Variants in TANC2 observed in about 807,000 individuals in gnomAD.
TANC2 encodes protein TANC2.
TANC2 carries 26 observed loss-of-function variants against 210.5 expected under a neutral mutation model. The ratio of observed to expected loss-of-function variants is 0.12; its 90% CI spans 0.09 to 0.17. The LOEUF is 0.17. Among genes scored for constraint, TANC2 ranks in the 10% least tolerant of loss-of-function variants. The probability of loss-of-function intolerance (pLI) is 1.00; values close to 1 mark genes in which losing one functional copy is unlikely to be tolerated. For synonymous variants in TANC2, 931 were observed against 967.1 expected, an observed-to-expected ratio of 0.96 and a Z score of 0.69; for missense variants, 2,129 against 2,608.9, an observed-to-expected ratio of 0.82 and a Z score of 4.01.
At chr17:63,329,830 T>C (rs2045776335) in intron 11 of TANC2, among the ~76,000 whole-genome samples, 1 of 152,152 alleles carries the variant, frequency 6.6e-6, no homozygotes. Flanking sequence ...AATAACATCA[T>C]AATGGCCTCC....
chr17:63,326,290 A>G (rs2045641474), intron 11 of TANC2, among the ~76,000 whole-genome samples: 1 of 152,218 alleles, frequency 6.6e-6, no homozygotes, highest in Non-Finnish European at 1.5e-5. Context: ...ATAAAGGTGG[A>G]CTTTTTAATT....
chr17:63,103,289 C>T (rs563909367), intron 4 of TANC2, among the ~76,000 whole-genome samples: 52 of 152,258 alleles, frequency 3.4e-4, no homozygotes, highest in African/African-American at 1.2e-3. Flanking sequence ...TATATAAAGA[C>T]TCATTTGCAG....
chr17:63,090,101 A>T (rs1203955820), intron 3 of TANC2, among the ~76,000 whole-genome samples: 2 of 152,026 alleles, frequency 1.3e-5, no homozygotes. Context: ...CCTCAACCTA[A>T]TCCCTAGCAA....
intron 2 of TANC2, among the ~76,000 whole-genome samples, chr17:63,040,049 T>C (rs953355570): frequency 2.6e-5 from 4 of 152,182 alleles, no homozygotes; most frequent in Admixed American, 1.3e-4. Flanking sequence ...ATATTGTTCA[T>C]TTTATAATAG....
chr17:63,336,746 G>GA (rs1393368895), intron 11 of TANC2, among the ~76,000 whole-genome samples: 1 of 152,036 alleles, frequency 6.6e-6, no homozygotes, highest in East Asian at 1.9e-4. Context: ...AAGTTGAAAT[G>GA]AAAAAAATAA....
chr17:63,336,763 A>T (rs530405171), intron 11 of TANC2, among the ~76,000 whole-genome samples: 72 of 152,366 alleles, frequency 4.7e-4, no homozygotes, highest in Non-Finnish European at 8.4e-4. Context: ...ATAATGTAAG[A>T]AAGACATAGC....
intron 13 of TANC2, among the ~76,000 whole-genome samples, chr17:63,352,304 G>T (rs1385530124): frequency 6.6e-6 from 1 of 151,960 alleles, no homozygotes; most frequent in Admixed American, 6.6e-5. Flanking sequence ...TTCCCCCTCT[G>T]CCAGGCACTT....
chr17:63,307,899 G>A (rs1379853956), intron 9 of TANC2, among the ~76,000 whole-genome samples: 1 of 152,100 alleles, frequency 6.6e-6, no homozygotes, highest in East Asian at 1.9e-4. Context: ...CCGAATAGCT[G>A]GGACTACAGG....
chr17:63,291,744 T>G (rs1461849652), intron 9 of TANC2, among the ~76,000 whole-genome samples: 2 of 152,200 alleles, frequency 1.3e-5, no homozygotes, highest in Non-Finnish European at 2.9e-5. Context: ...CGTTTAACCT[T>G]ATCAGGTAGA....
intron 14 of TANC2, among the ~76,000 whole-genome samples, chr17:63,377,820 G>A (rs549377336): frequency 3.0e-4 from 45 of 152,270 alleles, no homozygotes; most frequent in African/African-American, 1.0e-3. Context: ...AAGAGATTTC[G>A]TTGACTCACA....
intron 1 of TANC2, among the ~76,000 whole-genome samples, chr17:62,987,896 G>A (rs537953684): frequency 6.6e-6 from 1 of 151,978 alleles, no homozygotes; most frequent in South Asian, 2.1e-4. Context: ...AGTTTTTTTT[G>A]TTTGTTTTGT....
chr17:63,052,263 T>G (rs1283183899), intron 2 of TANC2, among the ~76,000 whole-genome samples: 2 of 152,214 alleles, frequency 1.3e-5, no homozygotes, highest in Non-Finnish European at 2.9e-5. Flanking sequence ...GATAACAATT[T>G]CACAGATAAG....
At chr17:63,053,038 A>G (rs1318245747) in intron 2 of TANC2, among the ~76,000 whole-genome samples, 1 of 152,176 alleles carries the variant, frequency 6.6e-6, no homozygotes, top group Non-Finnish European at 1.5e-5. Flanking sequence ...GATGAAGATA[A>G]TTTATTAGAT....
At chr17:63,404,185 T>G (rs927336841) in intron 19 of TANC2, among the ~76,000 whole-genome samples, 4 of 152,178 alleles carry the variant, frequency 2.6e-5, no homozygotes, top group African/African-American at 7.2e-5. Flanking sequence ...AGTGTTTCCA[T>G]CCTCCATACC....
chr17:63,005,998 G>A (rs946544032), intron 1 of TANC2, among the ~76,000 whole-genome samples: 1 of 143,278 alleles, frequency 7.0e-6, no homozygotes, highest in African/African-American at 2.6e-5. Flanking sequence ...TATATTTTTT[G>A]CTCAACATTT....
chr17:63,078,591 A>G (rs928429701), intron 3 of TANC2, among the ~76,000 whole-genome samples: 3 of 152,170 alleles, frequency 2.0e-5, no homozygotes, highest in Non-Finnish European at 4.4e-5. Context: ...ATAGATTCTG[A>G]TAAGTAGTAT....
At chr17:63,016,419 AT>A (rs1489847458) in intron 2 of TANC2, among the ~76,000 whole-genome samples, 2 of 152,232 alleles carry the variant, frequency 1.3e-5, no homozygotes, top group South Asian at 2.1e-4. Flanking sequence ...TACAAAAAAA[AT>A]TTTTTTATGG....
chr17:63,221,793 C>T (rs758864033), intron 7 of TANC2, among the ~76,000 whole-genome samples: 22 of 152,168 alleles, frequency 1.4e-4, no homozygotes, highest in Admixed American at 7.2e-4. Flanking sequence ...TCAGACACTG[C>T]TGGTGTGAGT....
chr17:63,277,437 T>G (rs2043914234), intron 9 of TANC2, among the ~76,000 whole-genome samples: 1 of 152,070 alleles, frequency 6.6e-6, no homozygotes. Context: ...TCTCTGGTCT[T>G]TCTGTCATCT....
Sources: allele counts gnomAD v4.1 joint callset (sites outside exome capture counted in the v4.1 genomes callset), GRCh38; gene constraint gnomAD v4.1.1; transcripts MANE v1.5; gene names NCBI Gene and HGNC (gene_info 2026-07-23, HGNC 2026-07-21).